The following LMAN2L variants were observed in gnomAD, a reference collection of about 807,000 sequenced individuals.
LMAN2L encodes the protein VIP36-like protein.
Under a neutral mutation model 44.3 loss-of-function variants are expected in LMAN2L, and 30 were observed. That is an observed-to-expected ratio of 0.68 (90% CI 0.51 to 0.92). The LOEUF (loss-of-function observed/expected upper bound fraction) is 0.92. Among genes scored for constraint, LMAN2L ranks in the 40% least tolerant of loss-of-function variants. The probability of loss-of-function intolerance (pLI) is 0.00; values close to 1 mark genes in which losing one functional copy is unlikely to be tolerated. For missense variants in LMAN2L, 429 were observed against 446.1 expected, an observed-to-expected ratio of 0.96 and a Z score of 0.35; for synonymous variants, 183 against 171.1, an observed-to-expected ratio of 1.07 and a Z score of -0.54.
intron 4 of LMAN2L, among the ~76,000 whole-genome samples, chr2:96,724,865 T>G (rs926090872): frequency 4.6e-5 from 7 of 152,064 alleles, no homozygotes; most frequent in Non-Finnish European, 1.5e-5. Context: ...GGAGTCTTGC[T>G]CTGTCGCCCA....
rs769889604 is a variant in LMAN2L at position 96,707,748 on chromosome 2, G to C, written c.870C>G (p.Phe290Leu). Residue 290 changes from phenylalanine to leucine, a missense_variant, in exon 7 of 8, where the codon TTC (phenylalanine) becomes TTG (leucine). Phe to Leu is a conservative substitution (Grantham distance 22). Transcript: ENST00000264963. ...PEEEKLHRDV[F>L]LPSVDNMKLP... ...GCTTCATATTGTCCACTGAGGGCAA[G>C]AACACATCTCGATGGAGCTTTTCCT... The C allele has an allele frequency of 3.1e-6, 5 of 1,614,146 alleles. No homozygotes were observed. In the South Asian group the frequency reaches 4.4e-5, roughly 14 times the overall value.
chr2:96,734,904 A>G (rs1306098598), intron 2 of LMAN2L, among the ~76,000 whole-genome samples: 1 of 152,228 alleles, frequency 6.6e-6, no homozygotes, highest in Non-Finnish European at 1.5e-5. Context: ...TTTACAACTC[A>G]AGATCACCCC....
At chr2:96,712,080 G>A (rs1486117592) in intron 4 of LMAN2L, 55 bp from the exon 5 acceptor site, 7 of 1,560,398 alleles carry the variant, frequency 4.5e-6, no homozygotes, top group Non-Finnish European at 6.2e-6. Flanking sequence ...AGGAACGCCT[G>A]TACAAACAGC....
At chr2:96,735,249 T>C (rs1311299327) in intron 2 of LMAN2L, among the ~76,000 whole-genome samples, 1 of 152,214 alleles carries the variant, frequency 6.6e-6, no homozygotes, top group Non-Finnish European at 1.5e-5. Context: ...TTAGGGAAGC[T>C]TCTGGTTAAA....
At chr2:96,736,648 C>A (rs1055386707) in intron 2 of LMAN2L, among the ~76,000 whole-genome samples, 1 of 152,160 alleles carries the variant, frequency 6.6e-6, no homozygotes, top group African/African-American at 2.4e-5. Flanking sequence ...CTTTTCATGT[C>A]TATTGTCCTA....
intron 2 of LMAN2L, among the ~76,000 whole-genome samples, chr2:96,736,130 G>A (rs917194589): frequency 6.6e-6 from 1 of 152,202 alleles, no homozygotes; most frequent in East Asian, 1.9e-4. Context: ...TGAGCCAAGA[G>A]GTGTCTGTCA....
chr2:96,739,005 T>C (rs1435955683), intron 1 of LMAN2L, among the ~76,000 whole-genome samples: 1 of 152,168 alleles, frequency 6.6e-6, no homozygotes, highest in Non-Finnish European at 1.5e-5. Flanking sequence ...CCTCCCAAAG[T>C]GCGGAGATTA....
At chr2:96,738,865 T>C (rs1423197877) in intron 1 of LMAN2L, among the ~76,000 whole-genome samples, 1 of 151,950 alleles carries the variant, frequency 6.6e-6, no homozygotes, top group Non-Finnish European at 1.5e-5. Context: ...CTCAGCCTCC[T>C]GAGTAGCTGG....
At chr2:96,711,278 G>A (rs1424879824) in intron 6 of LMAN2L, among the ~76,000 whole-genome samples, 1 of 152,184 alleles carries the variant, frequency 6.6e-6, no homozygotes, top group Non-Finnish European at 1.5e-5. Flanking sequence ...TCTGGGGTCA[G>A]AAGAGGGACG....
intron 7 of LMAN2L, 123 bp from the exon 8 acceptor site, chr2:96,707,521 C>A: frequency 7.8e-7 from 1 of 1,278,782 alleles, no homozygotes; most frequent in Non-Finnish European, 1.1e-6. Context: ...GAGCTTAGAC[C>A]CCCTCTTTCC....
chr2:96,731,453 A>T (rs2078394336), intron 4 of LMAN2L, among the ~76,000 whole-genome samples: 1 of 152,116 alleles, frequency 6.6e-6, no homozygotes, highest in Non-Finnish European at 1.5e-5. Context: ...GATGGAGACC[A>T]TCCTGGCCAA....
intron 4 of LMAN2L, among the ~76,000 whole-genome samples, chr2:96,728,043 G>C (rs902556151): frequency 6.6e-6 from 1 of 152,196 alleles, no homozygotes; most frequent in African/African-American, 2.4e-5. Context: ...AAAGTGCTTA[G>C]AACAATGCCT....
intron 7 of LMAN2L, 103 bp downstream of exon 7, chr2:96,707,611 C>A: frequency 7.0e-7 from 1 of 1,431,160 alleles, no homozygotes. Context: ...CCCTACCCTT[C>A]AGAAGAAGAA....
chr2:96,709,291 T>C (rs754379727), intron 6 of LMAN2L, among the ~76,000 whole-genome samples: 2 of 152,234 alleles, frequency 1.3e-5, no homozygotes, highest in Non-Finnish European at 2.9e-5. Flanking sequence ...GTTTGGCTCC[T>C]GCGTCTCTTT....
At chr2:96,733,498 G>A in intron 4 of LMAN2L, 21 bp downstream of exon 4, 1 of 1,579,606 alleles carries the variant, frequency 6.3e-7, no homozygotes, top group Non-Finnish European at 8.7e-7. Context: ...AGCTGACCTA[G>A]GCTCTGACAC....
At chr2:96,712,342 G>A (rs2077944865) in intron 4 of LMAN2L, among the ~76,000 whole-genome samples, 1 of 152,204 alleles carries the variant, frequency 6.6e-6, no homozygotes, top group Non-Finnish European at 1.5e-5. Flanking sequence ...GCACTTATGT[G>A]CCGCCTAATA....
chr2:96,712,170 A>G, intron 4 of LMAN2L, 145 bp from the exon 5 acceptor site: 3 of 727,736 alleles, frequency 4.1e-6, no homozygotes, highest in Non-Finnish European at 4.5e-6. Flanking sequence ...GCAGCCCCTG[A>G]GAGCCCACAT....
Position 96,711,645 on chromosome 2 carries a change from C to CG in LMAN2L, c.784+10dup. ...TCAGTCAGGGCAAACCAAGAGTGCG[C>CG]GTGGCAGTACCTGAGAGATCCCCAG... On this transcript the variant is annotated intron_variant, in intron 6 of 7. Transcript: ENST00000264963. The CG allele has an allele frequency of 1.3e-6, 2 of 1,585,030 alleles. No individual in the cohort carries two copies. The highest frequency in any genetic ancestry group is 1.7e-6 in the Non-Finnish European group (2 of 1,154,546).
intron 7 of LMAN2L, 41 bp downstream of exon 7, chr2:96,707,673 C>T (rs2153319367): frequency 1.2e-6 from 2 of 1,611,900 alleles, no homozygotes; most frequent in Middle Eastern, 1.7e-4. Context: ...GCAAGCTCCT[C>T]CCCAACTATG....
Sources: gnomAD v4.1 joint callset for allele counts (sites outside exome capture counted in the v4.1 genomes callset) on GRCh38, gnomAD v4.1.1 for gene constraint, MANE v1.5 for transcripts, NCBI Gene and HGNC (gene_info 2026-07-23, HGNC 2026-07-21) for gene names.